Variants in TPRG1 observed in about 807,000 individuals in gnomAD.
TPRG1 encodes tumor protein p63 regulated 1.
A neutral mutation model predicts 29.3 loss-of-function variants in TPRG1; 29 were observed. That is an observed-to-expected ratio of 0.99 (90% confidence interval 0.74 to 1.35). TPRG1 has a LOEUF of 1.35. Ranked by LOEUF, TPRG1 falls within the 40% of genes most tolerant of loss-of-function variation. TPRG1 has a pLI of 0.00. For missense variants in TPRG1, 327 were observed against 335.0 expected (o/e 0.98, Z 0.19); for synonymous variants, 130 against 116.8 (o/e 1.11, Z -0.73).
intron 3 of TPRG1, among the ~76,000 whole-genome samples, chr3:189,228,866 A>G (rs983568342): frequency 1.3e-5 from 2 of 152,212 alleles, no homozygotes; most frequent in Non-Finnish European, 2.9e-5. Flanking sequence ...TATTTAGAAA[A>G]TTATAAGGAG....
rs115464928 is a variant in TPRG1 at position 189,214,503 on chromosome 3, C to G, written c.211-789C>G. On this transcript the variant is annotated intron_variant, in intron 2 of 5. Transcript: ENST00000345063. ...TCATCTATTCCTGCCAGTGGGGTCA[C>G]TGGAGGTGACTGACGTTGGCACAAC... 6.5e-3 allele frequency among the ~76,000 whole-genome samples: 997 copies of G among 152,268 alleles called. 8 individuals carry two copies. The highest frequency in any genetic ancestry group is 0.011 in the Non-Finnish European group (780 of 68,014).
intron 4 of TPRG1, among the ~76,000 whole-genome samples, chr3:189,075,680 A>T (rs6784491): frequency 6.6e-6 from 1 of 152,236 alleles, no homozygotes; most frequent in African/African-American, 2.4e-5. Context: ...AGAGAAAATT[A>T]GTTGCCTTGG....
At chr3:189,309,368 G>T (rs1375978157) in intron 4 of TPRG1, among the ~76,000 whole-genome samples, 7 of 152,106 alleles carry the variant, frequency 4.6e-5, no homozygotes. Context: ...TTTTGTGAAG[G>T]CACCACAATT....
chr3:189,215,855 A>G (rs147632664), intron 3 of TPRG1, among the ~76,000 whole-genome samples: 1 of 152,320 alleles, frequency 6.6e-6, no homozygotes, highest in East Asian at 1.9e-4. Flanking sequence ...AATCATGAAG[A>G]TAGCTAAGTC....
At chr3:189,166,965 G>A (rs1156266936) in intron 5 of TPRG1, among the ~76,000 whole-genome samples, 2 of 152,330 alleles carry the variant, frequency 1.3e-5, no homozygotes, top group Admixed American at 1.3e-4. Flanking sequence ...GGACCCCAAA[G>A]ATGCAGAAAC....
intron 3 of TPRG1, among the ~76,000 whole-genome samples, chr3:189,220,019 A>G (rs1378201760): frequency 7.9e-5 from 12 of 152,184 alleles, no homozygotes; most frequent in Non-Finnish European, 1.8e-4. Context: ...CTGAATTCAC[A>G]ATCAGAAGGT....
chr3:188,998,035 A>G (rs1711887076), intron 1 of TPRG1, among the ~76,000 whole-genome samples: 1 of 152,162 alleles, frequency 6.6e-6, no homozygotes, highest in Non-Finnish European at 1.5e-5. Flanking sequence ...TGTTCAATTA[A>G]AAAACATACA....
At chr3:189,242,860 G>A (rs1740836699) in intron 4 of TPRG1, among the ~76,000 whole-genome samples, 1 of 151,838 alleles carries the variant, frequency 6.6e-6, no homozygotes, top group Admixed American at 6.6e-5. Context: ...TGAGGCCTAA[G>A]AGGACTAATT....
chr3:189,143,964 C>T (rs964000723), intron 3 of TPRG1, among the ~76,000 whole-genome samples: 3 of 152,190 alleles, frequency 2.0e-5, no homozygotes, highest in Non-Finnish European at 1.5e-5. Flanking sequence ...TTTCCTCTTC[C>T]ATTTCCTCTC....
At chr3:189,313,545 T>A (rs566946772) in intron 5 of TPRG1, among the ~76,000 whole-genome samples, 1 of 152,334 alleles carries the variant, frequency 6.6e-6, no homozygotes, top group East Asian at 1.9e-4. Flanking sequence ...AGCTGAGTTA[T>A]GCAGTCAACA....
chr3:189,189,266 T>C (rs1171068958), intron 1 of TPRG1, among the ~76,000 whole-genome samples: 1 of 152,200 alleles, frequency 6.6e-6, no homozygotes, highest in Non-Finnish European at 1.5e-5. Context: ...GATCATGCTA[T>C]GTCCTTTTTA....
intron 3 of TPRG1, among the ~76,000 whole-genome samples, chr3:189,015,961 A>C (rs1214802389): frequency 6.6e-6 from 1 of 152,174 alleles, no homozygotes; most frequent in Admixed American, 6.5e-5. Context: ...CAGAGTCTCC[A>C]CTAAGACACT....
At chr3:189,284,989 T>A (rs908164401) in intron 4 of TPRG1, among the ~76,000 whole-genome samples, 2 of 152,058 alleles carry the variant, frequency 1.3e-5, no homozygotes, top group African/African-American at 2.4e-5. Context: ...AACTACCATC[T>A]GAGTGAACAG....
chr3:189,070,678 A>T (rs895685652), intron 4 of TPRG1, among the ~76,000 whole-genome samples: 3 of 152,180 alleles, frequency 2.0e-5, no homozygotes, highest in Non-Finnish European at 2.9e-5. Flanking sequence ...CAGTTTTATT[A>T]AAAAAATTCT....
At chr3:189,137,650 G>T (rs1335658608) in intron 3 of TPRG1, among the ~76,000 whole-genome samples, 2 of 152,054 alleles carry the variant, frequency 1.3e-5, no homozygotes, top group Admixed American at 1.3e-4. Context: ...TCCCAGTAGG[G>T]TGCCAAGTGG....
At chr3:189,163,467 A>T (rs1006364379) in intron 5 of TPRG1, among the ~76,000 whole-genome samples, 1 of 152,200 alleles carries the variant, frequency 6.6e-6, no homozygotes, top group African/African-American at 2.4e-5. Flanking sequence ...CGGGCCAGCT[A>T]ATCTGAAGAC....
chr3:189,131,270 G>A (rs760915272), intron 2 of TPRG1, among the ~76,000 whole-genome samples: 1 of 151,836 alleles, frequency 6.6e-6, no homozygotes, highest in Non-Finnish European at 1.5e-5. Flanking sequence ...ATTACAAAAA[G>A]GCAATATCAT....
intron 4 of TPRG1, among the ~76,000 whole-genome samples, chr3:189,272,036 T>A (rs1301830683): frequency 6.6e-6 from 1 of 152,224 alleles, no homozygotes; most frequent in Non-Finnish European, 1.5e-5. Flanking sequence ...TTGTTTTGGA[T>A]TCTAATGAAA....
At chr3:189,143,319 TC>T (rs1339040679) in intron 3 of TPRG1, among the ~76,000 whole-genome samples, 2 of 152,196 alleles carry the variant, frequency 1.3e-5, no homozygotes, top group Non-Finnish European at 2.9e-5. Context: ...CCGAATGACA[TC>T]TATATGCTTC....
Sources: allele counts gnomAD v4.1 joint callset (sites outside exome capture counted in the v4.1 genomes callset), GRCh38; gene constraint gnomAD v4.1.1; transcripts MANE v1.5; gene names NCBI Gene and HGNC (gene_info 2026-07-23, HGNC 2026-07-21).